The following PTK7 variants were observed in gnomAD, a reference collection of about 807,000 sequenced individuals.
PTK7 encodes the protein inactive tyrosine-protein kinase 7.
A neutral mutation model predicts 116.6 loss-of-function variants in PTK7; 39 were observed. The observed-to-expected ratio is 0.33, with a 90% CI of 0.26 to 0.44. The LOEUF is 0.44. PTK7 is among the 20% of genes least tolerant of loss of function. The probability of loss-of-function intolerance (pLI) is 1.00; values close to 1 mark genes in which losing one functional copy is unlikely to be tolerated. For synonymous variants in PTK7, 546 were observed against 563.6 expected (o/e 0.97, Z 0.44); for missense variants, 1,169 against 1,425.6 (o/e 0.82, Z 2.90).
At chr6:43,088,067 G>T (rs571446370) in intron 1 of PTK7, among the ~76,000 whole-genome samples, 1 of 152,258 alleles carries the variant, frequency 6.6e-6, no homozygotes, top group Admixed American at 6.5e-5. Context: ...GGAGGCCAAG[G>T]CGTGAGGATT....
intron 7 of PTK7, among the ~76,000 whole-genome samples, chr6:43,137,228 A>G (rs948997115): frequency 6.6e-6 from 1 of 152,192 alleles, no homozygotes; most frequent in Admixed American, 6.5e-5. Flanking sequence ...GAGTATAAAC[A>G]AGGAGACCCA....
In PTK7 at chr6:43,093,894, C is replaced by G. The variant is rs186361011; in HGVS notation, c.79+17327C>G. On this transcript the variant is annotated intron_variant, in intron 1 of 19. Transcript: ENST00000230419. Reference sequence around the variant, plus strand: ...AGAATCTTCCTGGACCCAAATACCCCCTAAAAGTTTCCCACTGGCCACTTC... The same window carrying G: ...AGAATCTTCCTGGACCCAAATACCCGCTAAAAGTTTCCCACTGGCCACTTC... Among the ~76,000 whole-genome samples the G allele has an allele frequency of 7.9e-4, 120 of 152,296 alleles. 1 individual carries two copies. In the South Asian group the frequency reaches 0.019, roughly 24 times the overall value.
chr6:43,118,948 A>G (rs1243414817), intron 1 of PTK7, among the ~76,000 whole-genome samples: 1 of 151,078 alleles, frequency 6.6e-6, no homozygotes, highest in Non-Finnish European at 1.5e-5. Flanking sequence ...TTTTGTAGAG[A>G]TGGGGTTTCA....
rs1770679509 is a variant in PTK7, at chr6:43,145,522, CCTTGTCTCGTGCAGT to C, written c.2640+93_2640+107del. On this transcript the variant is annotated intron_variant, in intron 16 of 19. Transcript: ENST00000230419. This position sits in a 1 kb window ranked among gnomAD's most constrained non-coding sequence, Gnocchi z 4.8. ...GTCAGTGGTTGGAGCACCGTGAAAACCTTGTCTCGTGCAGTCTCAGCCGAGACCTCACCTGCCTGC... is the reference window on the plus strand; with the variant it reads ...GTCAGTGGTTGGAGCACCGTGAAAACCTCAGCCGAGACCTCACCTGCCTGC... 1 of 1,130,570 alleles carries C rather than the reference CCTTGTCTCGTGCAGT, an allele frequency of 8.8e-7. No homozygotes were observed. The highest frequency in any genetic ancestry group is 2.7e-5 in the Admixed American group (1 of 36,452). The allele number at this position is 1,130,570 out of a possible 1,614,324, so 70.0% of individuals were successfully genotyped here.
chr6:43,119,770 T>C (rs1399215576), intron 1 of PTK7, among the ~76,000 whole-genome samples: 1 of 152,204 alleles, frequency 6.6e-6, no homozygotes, highest in Admixed American at 6.5e-5. Context: ...CACTGGCGTC[T>C]TCAGGAGACA....
Position 43,143,573 on chromosome 6 carries a change from T to C in PTK7, c.2204T>C (p.Leu735Pro). 1 of 1,613,512 alleles carries C rather than the reference T, an allele frequency of 6.2e-7. No homozygotes were observed. The highest frequency in any genetic ancestry group is 8.5e-7 in the Non-Finnish European group (1 of 1,180,018). Residue 735 changes from leucine (L) to proline (P), a missense_variant, in exon 14 of 20, where the codon CTG becomes CCG. By Grantham distance (98) the Leu-to-Pro change is moderately conservative. Around this residue, in one of 3 missense-constraint regions of PTK7, gnomAD observed 678 missense variants for 853.8 expected, o/e 0.79. Coordinates refer to ENST00000230419, the MANE Select transcript of PTK7 (RefSeq NM_002821.5). This position sits in a 1 kb window ranked among gnomAD's most constrained non-coding sequence, Gnocchi z 4.2. Reference protein sequence around the residue: ...YCKKRCKAKRLQKQPEGEEPE... With the variant: ...YCKKRCKAKRPQKQPEGEEPE... Reference sequence around the variant, plus strand: ...AAGAAGCGCTGCAAAGCCAAGCGGCTGCAGAAGCAGCCCGAGGGCGAGGAG... The same window carrying C: ...AAGAAGCGCTGCAAAGCCAAGCGGCCGCAGAAGCAGCCCGAGGGCGAGGAG...
chr6:43,083,727 T>C (rs901265638), intron 1 of PTK7, among the ~76,000 whole-genome samples: 2 of 152,194 alleles, frequency 1.3e-5, no homozygotes, highest in Admixed American at 1.3e-4. Context: ...GGGGTATGTG[T>C]TGAGTGAACG....
chr6:43,154,294 C>T (rs1464167675), intron 17 of PTK7, among the ~76,000 whole-genome samples: 1 of 151,976 alleles, frequency 6.6e-6, no homozygotes, highest in Non-Finnish European at 1.5e-5. Context: ...TGTGATTGCA[C>T]CACTGCACTC....
chr6:43,159,999 G>T, intron 19 of PTK7, 33 bp downstream of exon 19: 1 of 1,597,498 alleles, frequency 6.3e-7, no homozygotes, highest in Non-Finnish European at 8.5e-7. Context: ...GATGATTCCA[G>T]ATGGGCCCCA....
intron 1 of PTK7, among the ~76,000 whole-genome samples, chr6:43,107,136 T>C (rs1767939605): frequency 6.7e-6 from 1 of 150,274 alleles, no homozygotes; most frequent in Admixed American, 6.6e-5. Context: ...TGGGCCAGAC[T>C]GGTCTCGAAC....
Position 43,141,576 on chromosome 6 carries a change from G to A in PTK7, c.1619-92G>A, listed in dbSNP as rs953796063. On this transcript the variant is annotated intron_variant, in intron 10 of 19. Coordinates refer to ENST00000230419, the MANE Select transcript of PTK7 (RefSeq NM_002821.5). The surrounding 1 kb of genome is among the most constrained non-coding windows in gnomAD (Gnocchi z 4.9). ...CCTGTGGGTGGTCAGGAGCGATGGT[G>A]TGTTTTTGAGTAGAGGTGAGGGACT... 1.4e-6 allele frequency: 2 copies of A among 1,445,498 alleles called. No individual in the cohort carries two copies. Among genetic ancestry groups the A allele is most frequent in the South Asian group, 1.3e-5 (1 of 78,534 alleles). The allele number at this position is 1,445,498 out of a possible 1,614,324, so 89.5% of individuals were successfully genotyped here.
rs1423720758 is a variant in PTK7, at chr6:43,143,613, C to T, written c.2244C>T (p.Cys748=). The change falls in exon 14 of 20, where the codon TGC becomes TGT. Residue 748 remains cysteine (C), a synonymous_variant. Coordinates refer to ENST00000230419, the MANE Select transcript of PTK7 (RefSeq NM_002821.5). The surrounding 1 kb of genome is among the most constrained non-coding windows in gnomAD (Gnocchi z 4.2). The part of the protein sequence containing the change: ...QPEGEEPEME[C]LNGGPLQNGQ... ...AGGGCGAGGAGCCAGAGATGGAATG[C>T]CTCAACGGTGAGGGGCCCTGGACGG... is the stretch of plus-strand genomic sequence containing the variant. 2.5e-6 allele frequency: 4 copies of T among 1,611,530 alleles called. No homozygotes were observed. Among genetic ancestry groups the T allele is most frequent in the Non-Finnish European group, 3.4e-6 (4 of 1,179,844 alleles).
At chr6:43,126,682 A>G (rs1446499036) in intron 1 of PTK7, among the ~76,000 whole-genome samples, 1 of 152,188 alleles carries the variant, frequency 6.6e-6, no homozygotes. Flanking sequence ...CATATGAGCT[A>G]TTTGATCGTG....
In PTK7 at chr6:43,144,538, A is replaced by C; in HGVS notation, c.2339A>C (p.Asn780Thr). 1 of 1,614,238 alleles carries C rather than the reference A, an allele frequency of 6.2e-7. No individual in the cohort carries two copies. The highest frequency in any genetic ancestry group is 8.5e-7 in the Non-Finnish European group (1 of 1,180,042). ...TSLGSGPAAT[N>T]KRHSTSDKMH... The stretch of plus-strand genomic sequence containing the variant: ...TTGGGCTCCGGCCCCGCGGCCACCA[A>C]CAAACGCCACAGCACAAGTGATAAG... The change falls in exon 15 of 20, where the codon AAC becomes ACC. Residue 780 changes from asparagine to threonine, a missense_variant. Asn to Thr is a moderately conservative substitution (Grantham distance 65). Coordinates refer to ENST00000230419, the MANE Select transcript of PTK7 (RefSeq NM_002821.5).
At chr6:43,112,329 C>T (rs527396709) in intron 1 of PTK7, among the ~76,000 whole-genome samples, 5 of 151,752 alleles carry the variant, frequency 3.3e-5, no homozygotes, top group South Asian at 4.2e-4. Flanking sequence ...GGTGCAGTGG[C>T]GTGATCTTGG....
At chr6:43,087,003 C>T (rs186901192) in intron 1 of PTK7, among the ~76,000 whole-genome samples, 1 of 152,354 alleles carries the variant, frequency 6.6e-6, no homozygotes, top group East Asian at 1.9e-4. Context: ...GGCATGAAGG[C>T]CTTGCAGCTG....
chr6:43,083,172 T>C (rs1766469181), intron 1 of PTK7, among the ~76,000 whole-genome samples: 1 of 152,222 alleles, frequency 6.6e-6, no homozygotes, highest in Admixed American at 6.5e-5. Flanking sequence ...AGGTTGGGTG[T>C]CCTTGGCCTG....
chr6:43,077,991 T>G (rs566012986), intron 1 of PTK7, among the ~76,000 whole-genome samples: 2 of 152,258 alleles, frequency 1.3e-5, no homozygotes, highest in South Asian at 4.1e-4. Context: ...TATGGAAGTT[T>G]TTTTGCACAG....
At chr6:43,136,208 G>A (rs1007744482) in intron 7 of PTK7, among the ~76,000 whole-genome samples, 6 of 151,444 alleles carry the variant, frequency 4.0e-5, no homozygotes, top group African/African-American at 1.5e-4. Context: ...GGTGGCACAT[G>A]CCTGTAATCC....
Sources: allele counts gnomAD v4.1 joint callset (sites outside exome capture counted in the v4.1 genomes callset), GRCh38; gene constraint gnomAD v4.1.1; regional missense constraint gnomAD v4.1.1; non-coding constraint Gnocchi (gnomAD v3.1); transcripts MANE v1.5; gene names NCBI Gene and HGNC (gene_info 2026-07-23, HGNC 2026-07-21).